Variants in CDH18 observed in about 807,000 individuals in gnomAD.
CDH18 encodes cadherin 18.
In CDH18, 31 loss-of-function variants were observed where a neutral mutation model predicts 67.9. That is an observed-to-expected ratio of 0.46 (90% CI 0.34 to 0.62). CDH18 has a LOEUF of 0.62. CDH18 is among the 20% of genes least tolerant of loss of function. The probability of loss-of-function intolerance (pLI) is 0.01; values close to 1 mark genes in which losing one functional copy is unlikely to be tolerated. For synonymous variants in CDH18, 362 were observed against 347.2 expected, an observed-to-expected ratio of 1.04 and a Z score of -0.48; for missense variants, 890 against 975.5, an observed-to-expected ratio of 0.91 and a Z score of 1.17.
chr5:20,562,869 C>T (rs191493348), intron 1 of CDH18, among the ~76,000 whole-genome samples: 261 of 151,924 alleles, frequency 1.7e-3, no homozygotes, highest in Non-Finnish European at 2.3e-3. Context: ...TATGAACCAC[C>T]CGAGGATAAT....
rs3925415 is a variant in CDH18, at chr5:20,262,213, A to G, written c.-579-6708T>C. Among the ~76,000 whole-genome samples the G allele has an allele frequency of 8.9e-3, 1,350 of 152,322 alleles. 24 individuals are homozygous for G. Among genetic ancestry groups the G allele is most frequent in the African/African-American group, 0.03 (1,240 of 41,574 alleles). The stretch of plus-strand genomic sequence containing the variant: ...TAAATTGTGATAAATGGGAAACCAT[A>G]AATTGGGAGAGAATTTTAATGGTCA... On this transcript the variant is annotated intron_variant, in intron 1 of 14. Transcript: ENST00000507958.
In CDH18 at chr5:19,960,707, ATATG is replaced by A. The variant is rs1360490157; in HGVS notation, c.-257+20349_-257+20352del. ...TACATATACACGTGTATATATGTATATATGTATACACGTGTATATACGTATATAC... is the reference window on the plus strand; with the variant it reads ...TACATATACACGTGTATATATGTATATATACACGTGTATATACGTATATAC... On this transcript the variant is annotated intron_variant, in intron 2 of 12. Coordinates refer to ENST00000382275, the MANE Select transcript of CDH18 (RefSeq NM_004934.5). 4.2e-5 allele frequency among the ~76,000 whole-genome samples: 5 copies of A among 120,292 alleles called. 1 individual carries two copies. Among genetic ancestry groups the A allele is most frequent in the African/African-American group, 2.4e-4 (4 of 16,996 alleles). 78.9% of individuals were successfully genotyped at this position (120,292 alleles called of 152,430 possible).
In CDH18 at chr5:19,903,485, A is replaced by T. The variant is rs117689487; in HGVS notation, c.-256-64243T>A. On this transcript the variant is annotated intron_variant, in intron 2 of 12. Coordinates refer to ENST00000382275, the MANE Select transcript of CDH18 (RefSeq NM_004934.5). ...AGCTGATACTTAGTATAAAGAGATC[A>T]ATATGTAACATTATTTTAGTAGTAA... Among the ~76,000 whole-genome samples, 1,033 of 148,772 alleles carry T rather than the reference A, an allele frequency of 6.9e-3. 31 individuals are homozygous for T. The highest frequency in any genetic ancestry group is 0.044 in the Admixed American group (650 of 14,880).
At chr5:20,095,350 AG>A (rs1745821926) in intron 2 of CDH18, among the ~76,000 whole-genome samples, 1 of 128,966 alleles carries the variant, frequency 7.8e-6, no homozygotes, top group African/African-American at 2.9e-5. Flanking sequence ...AAAGAAAGAA[AG>A]AAAGAAAGAA....
intron 2 of CDH18, among the ~76,000 whole-genome samples, chr5:19,975,422 G>C (rs1798408198): frequency 6.6e-6 from 1 of 152,058 alleles, no homozygotes; most frequent in Non-Finnish European, 1.5e-5. Flanking sequence ...ATGAAGAAAA[G>C]TAAATGATGA....
At chr5:19,554,550 CA>C (rs879741204) in intron 8 of CDH18, among the ~76,000 whole-genome samples, 17 of 131,620 alleles carry the variant, frequency 1.3e-4, no homozygotes, top group South Asian at 4.8e-4. Flanking sequence ...AACTTCATCT[CA>C]AAAAAAAAAA....
At chr5:19,790,397 C>G (rs1249329330) in intron 3 of CDH18, among the ~76,000 whole-genome samples, 1 of 152,094 alleles carries the variant, frequency 6.6e-6, no homozygotes, top group East Asian at 1.9e-4. Flanking sequence ...GAGTGCTTGG[C>G]TATTTGCTGT....
chr5:20,321,215 A>G (rs533861334), intron 1 of CDH18, among the ~76,000 whole-genome samples: 1 of 152,176 alleles, frequency 6.6e-6, no homozygotes, highest in African/African-American at 2.4e-5. Context: ...AAGGAGAAGA[A>G]GAGGCAGAAA....
chr5:20,276,235 C>T (rs558788477), intron 1 of CDH18, among the ~76,000 whole-genome samples: 2 of 152,338 alleles, frequency 1.3e-5, no homozygotes, highest in African/African-American at 4.8e-5. Context: ...TGCCACTCCT[C>T]TGCTAATCCC....
At chr5:19,553,047 T>C (rs1163537187) in intron 8 of CDH18, among the ~76,000 whole-genome samples, 4 of 152,284 alleles carry the variant, frequency 2.6e-5, no homozygotes, top group Non-Finnish European at 5.9e-5. Flanking sequence ...ACAGAAAATT[T>C]ATGACCATAG....
chr5:20,015,522 A>C (rs143920130), intron 2 of CDH18, among the ~76,000 whole-genome samples: 1 of 152,304 alleles, frequency 6.6e-6, no homozygotes, highest in South Asian at 2.1e-4. Context: ...CTCATGGCCA[A>C]GAAAAATGGG....
intron 1 of CDH18, among the ~76,000 whole-genome samples, chr5:20,413,059 G>A (rs1746932664): frequency 6.6e-6 from 1 of 152,188 alleles, no homozygotes; most frequent in Admixed American, 6.5e-5. Flanking sequence ...AGAACGCGCA[G>A]CGTTTGGTTT....
chr5:19,679,109 T>C (rs1214500157), intron 5 of CDH18, among the ~76,000 whole-genome samples: 1 of 152,030 alleles, frequency 6.6e-6, no homozygotes, highest in Non-Finnish European at 1.5e-5. Flanking sequence ...CACAATCAAG[T>C]AGGCTTTACC....
At chr5:20,499,868 A>T (rs552941085) in intron 1 of CDH18, among the ~76,000 whole-genome samples, 132 of 152,288 alleles carry the variant, frequency 8.7e-4, no homozygotes, top group African/African-American at 3.1e-3. Flanking sequence ...TGCCATTCCA[A>T]GTATATAAAT....
intron 1 of CDH18, among the ~76,000 whole-genome samples, chr5:20,427,901 T>G (rs575095053): frequency 1.1e-4 from 16 of 151,322 alleles, no homozygotes; most frequent in African/African-American, 3.7e-4. Flanking sequence ...CAGAACATTA[T>G]CAAACTCTTT....
At chr5:20,461,905 A>G (rs1044268225) in intron 1 of CDH18, among the ~76,000 whole-genome samples, 1 of 152,154 alleles carries the variant, frequency 6.6e-6, no homozygotes, top group African/African-American at 2.4e-5. Context: ...AAGGGCTTTC[A>G]TGCACTATTG....
intron 1 of CDH18, among the ~76,000 whole-genome samples, chr5:20,533,817 T>C (rs974898405): frequency 6.6e-6 from 1 of 152,074 alleles, no homozygotes; most frequent in Admixed American, 6.6e-5. Context: ...ATATTCATTC[T>C]TTTATTCTTT....
chr5:20,293,246 G>C (rs988384682), intron 1 of CDH18, among the ~76,000 whole-genome samples: 8 of 152,112 alleles, frequency 5.3e-5, no homozygotes, highest in Non-Finnish European at 1.0e-4. Flanking sequence ...GAACCCAGGA[G>C]GCGGAGTTTG....
chr5:20,335,290 A>T (rs1739619957), intron 1 of CDH18, among the ~76,000 whole-genome samples: 1 of 152,142 alleles, frequency 6.6e-6, no homozygotes, highest in African/African-American at 2.4e-5. Context: ...TACCAGTTAT[A>T]AAAGCCCCAC....
Sources: gnomAD v4.1 joint callset for allele counts (sites outside exome capture counted in the v4.1 genomes callset) on GRCh38, gnomAD v4.1.1 for gene constraint, MANE v1.5 for transcripts, NCBI Gene and HGNC (gene_info 2026-07-23, HGNC 2026-07-21) for gene names.